Variants in DCAF6 observed in about 807,000 individuals in gnomAD.
DCAF6 encodes the protein DDB1- and CUL4-associated factor 6.
DCAF6 carries 54 observed loss-of-function variants against 125.1 expected under a neutral mutation model. The observed-to-expected ratio is 0.43, with a 90% CI of 0.35 to 0.54. DCAF6 has a LOEUF of 0.54. Ranked by LOEUF, DCAF6 falls within the 20% of genes least tolerant of loss-of-function variation. DCAF6 has a pLI of 0.01. For missense variants in DCAF6, 934 were observed against 1,161.7 expected (o/e 0.80, Z 2.85); for synonymous variants, 371 against 390.4 (o/e 0.95, Z 0.58).
the DCAF6 span, among the ~76,000 whole-genome samples, chr1:167,916,526 T>A: frequency 6.6e-6 from 1 of 151,878 alleles, no homozygotes; most frequent in East Asian, 1.9e-4. Context: ...TTTTTAAGAT[T>A]AAAAAATTGG....
intron 3 of DCAF6, among the ~76,000 whole-genome samples, chr1:167,974,056 C>T (rs763244772): frequency 6.6e-6 from 1 of 152,068 alleles, no homozygotes. Context: ...TTGTCAAGCT[C>T]TTGAATTTTT....
chr1:167,873,176 T>C, the DCAF6 span, among the ~76,000 whole-genome samples: 1 of 152,148 alleles, frequency 6.6e-6, no homozygotes, highest in East Asian at 1.9e-4. Flanking sequence ...TGTCAGTTAG[T>C]AAAATAAGTA....
rs549869491 is a variant in DCAF6 at position 167,981,205 on chromosome 1, C to A, written c.438+6190C>A. Among the ~76,000 whole-genome samples the A allele has an allele frequency of 7.9e-5, 12 of 152,226 alleles. No individual in the cohort carries two copies. The East Asian group carries it at 2.1e-3, about 27-fold the overall frequency. On this transcript the variant is annotated intron_variant, in intron 4 of 21. Coordinates refer to ENST00000367840, the MANE Select transcript of DCAF6 (RefSeq NM_001198956.2). ...ACAGGCATGAGCCACCGCTCCCGGC[C>A]TCCCCCATGTTTTCTTCTAGGAGTT...
rs367699323 is a variant in DCAF6 at position 167,961,303 on chromosome 1, C to T, written c.160-5326C>T. Reference sequence around the variant, plus strand: ...TGTCGCCCAGGCTGGAGTGCAGTGGCGCGATCTCGGCTCAATGCAAGCTCC... The same window carrying T: ...TGTCGCCCAGGCTGGAGTGCAGTGGTGCGATCTCGGCTCAATGCAAGCTCC... On this transcript the variant is annotated intron_variant, in intron 2 of 21. Coordinates refer to ENST00000367840, the MANE Select transcript of DCAF6 (RefSeq NM_001198956.2). Among the ~76,000 whole-genome samples the T allele has an allele frequency of 8.2e-4, 125 of 152,078 alleles. 2 individuals are homozygous for T. The South Asian group carries it at 0.023, about 28-fold the overall frequency.
intron 1 of DCAF6, among the ~76,000 whole-genome samples, chr1:167,942,104 C>T (rs578032884): frequency 2.2e-4 from 33 of 152,230 alleles, no homozygotes; most frequent in East Asian, 1.5e-3. Context: ...TCGCTCTTGT[C>T]GCCCAGGCTG....
At chr1:167,982,457 G>T (rs930808834) in intron 4 of DCAF6, among the ~76,000 whole-genome samples, 2 of 152,076 alleles carry the variant, frequency 1.3e-5, no homozygotes, top group Non-Finnish European at 2.9e-5. Flanking sequence ...CAACCAGGAT[G>T]GTTTTGATCT....
intron 17 of DCAF6, 43 bp from the exon 18 acceptor site, chr1:168,063,578 T>C: frequency 7.2e-7 from 1 of 1,380,976 alleles, no homozygotes; most frequent in Non-Finnish European, 9.6e-7. Context: ...TCTTTGTGAA[T>C]ATTTTTATTT....
At chr1:168,043,654 G>A (rs1226776478) in intron 14 of DCAF6, among the ~76,000 whole-genome samples, 1 of 152,030 alleles carries the variant, frequency 6.6e-6, no homozygotes, top group Admixed American at 6.6e-5. Context: ...CACAGTAGAT[G>A]TTCAATAAAT....
At chr1:167,864,585 A>AAG in the DCAF6 span, among the ~76,000 whole-genome samples, 1 of 152,144 alleles carries the variant, frequency 6.6e-6, no homozygotes, top group African/African-American at 2.4e-5. Flanking sequence ...AGGAAAGTCA[A>AAG]AGAGAGAGAG....
chr1:167,989,928 A>G (rs1275521832), intron 5 of DCAF6, among the ~76,000 whole-genome samples: 2 of 152,148 alleles, frequency 1.3e-5, no homozygotes, highest in Admixed American at 1.3e-4. Flanking sequence ...TATGGAATCA[A>G]CAGAGTACCT....
chr1:167,897,441 G>A, the DCAF6 span, among the ~76,000 whole-genome samples: 80 of 150,462 alleles, frequency 5.3e-4, no homozygotes, highest in African/African-American at 1.9e-3. Context: ...AGGTTGAAGT[G>A]AGCTGAGATC....
At chr1:167,935,880 G>T, upstream of DCAF6, 2 of 1,468,590 alleles carry the variant, frequency 1.4e-6, no homozygotes, top group Non-Finnish European at 1.9e-6. Flanking sequence ...TGGGAGCGTG[G>T]CTGTGTTCTC....
At chr1:167,955,895 G>A (rs1674702866) in intron 2 of DCAF6, among the ~76,000 whole-genome samples, 1 of 152,084 alleles carries the variant, frequency 6.6e-6, no homozygotes, top group African/African-American at 2.4e-5. Flanking sequence ...TGAGTTAGCT[G>A]GGACCATAGG....
chr1:167,929,799 G>A, the DCAF6 span, among the ~76,000 whole-genome samples: 1 of 152,136 alleles, frequency 6.6e-6, no homozygotes, highest in African/African-American at 2.4e-5. Flanking sequence ...ATACTGGATT[G>A]AGGTATTCAC....
chr1:168,038,221 C>A (rs955404653), intron 12 of DCAF6, 150 bp from the exon 13 acceptor site: 6 of 589,656 alleles, frequency 1.0e-5, no homozygotes, highest in Non-Finnish European at 1.8e-5. Flanking sequence ...TTCCACAACA[C>A]ATGCCTTCAA....
intron 4 of DCAF6, among the ~76,000 whole-genome samples, chr1:167,977,214 T>TG (rs1176986035): frequency 6.6e-6 from 1 of 151,184 alleles, no homozygotes; most frequent in Non-Finnish European, 1.5e-5. Flanking sequence ...CACAGTTTTT[T>TG]TTTTTTTTTT....
At chr1:168,006,635 G>A (rs1004033522) in intron 10 of DCAF6, among the ~76,000 whole-genome samples, 1 of 152,134 alleles carries the variant, frequency 6.6e-6, no homozygotes, top group African/African-American at 2.4e-5. Flanking sequence ...AAGTCCAAAT[G>A]TGTTTGTGAA....
At chr1:167,969,190 G>A (rs1434587676) in intron 3 of DCAF6, 1 of 151,748 alleles carries the variant, frequency 6.6e-6, no homozygotes, top group Non-Finnish European at 1.5e-5. Flanking sequence ...AAACATTTTT[G>A]TCTATTAATT....
chr1:167,899,484 C>T, the DCAF6 span: 24 of 1,614,098 alleles, frequency 1.5e-5, no homozygotes, highest in Non-Finnish European at 1.9e-5. Context: ...ACAGAGCTGC[C>T]AGCAGTTTGG....
Sources: allele counts gnomAD v4.1 joint callset (sites outside exome capture counted in the v4.1 genomes callset), GRCh38; gene constraint gnomAD v4.1.1; transcripts MANE v1.5; gene names NCBI Gene and HGNC (gene_info 2026-07-23, HGNC 2026-07-21).